The following ABCB10 variants were observed in gnomAD, a reference collection of about 807,000 sequenced individuals.
ABCB10 encodes the protein ATP-binding cassette sub-family B member 10, mitochondrial.
ABCB10 carries 54 observed loss-of-function variants against 65.4 expected under a neutral mutation model. The observed-to-expected ratio is 0.83, with a 90% confidence interval of 0.66 to 1.04. The LOEUF is 1.04. Among genes scored for constraint, ABCB10 ranks in the 50% least tolerant of loss-of-function variants. The pLI is 0.00. For missense variants in ABCB10, 846 were observed against 976.6 expected (o/e 0.87, Z 1.78); for synonymous variants, 418 against 406.5 (o/e 1.03, Z -0.34).
intron 3 of ABCB10, 23 bp downstream of exon 3, chr1:229,547,476 C>T: frequency 6.2e-7 from 1 of 1,611,686 alleles, no homozygotes; most frequent in Non-Finnish European, 8.5e-7. Context: ...AGGAAGGTAC[C>T]AAGGGGAACC....
chr1:229,524,495 A>G lies in ABCB10; in HGVS notation c.1906+1441T>C, dbSNP rs549569136. Among the ~76,000 whole-genome samples, 11 of 152,256 alleles carry G rather than the reference A, an allele frequency of 7.2e-5. No individual in the cohort carries two copies. The South Asian group carries it at 2.3e-3, about 32-fold the overall frequency. ...TGTTATCTTGCAAGGAAACATTTCA[A>G]TATTTGTATTGAAAAAAAAAAGTGT... On this transcript the variant is annotated intron_variant, in intron 10 of 12. Transcript: ENST00000344517.
Position 229,558,487 on chromosome 1 carries a change from GC to G in ABCB10, c.165del (p.Ala57ArgfsTer155). On this transcript the variant is annotated frameshift_variant, in exon 1 of 13. Transcript: ENST00000344517. LOFTEE classifies it high-confidence loss of function. ...GCTCCAACGCCCCAGAGCAGCGCGGGCCCCGCGCCCCATAGCCGCGCCGGCC... is the reference window on the plus strand; with the variant it reads ...GCTCCAACGCCCCAGAGCAGCGCGGGCCCGCGCCCCATAGCCGCGCCGGCC... ...GLRPARLWGA[G>X]PALLWGVGAA... 2.3e-6 allele frequency: 3 copies of G among 1,301,866 alleles called. No homozygotes were observed. Among genetic ancestry groups the G allele is most frequent in the Admixed American group, 3.9e-5 (1 of 25,974 alleles). The allele number at this position is 1,301,866 out of a possible 1,614,324, so 80.6% of individuals were successfully genotyped here. A position where few individuals can be genotyped will look rare whatever the true frequency, so the allele number is the denominator to read the frequency against.
At chr1:229,542,675 A>G (rs1175169257) in intron 3 of ABCB10, among the ~76,000 whole-genome samples, 1 of 151,232 alleles carries the variant, frequency 6.6e-6, no homozygotes, top group Non-Finnish European at 1.5e-5. Flanking sequence ...GTTTAACAAC[A>G]GAGTGGGAAG....
At chr1:229,525,091 G>C (rs1662407520) in intron 10 of ABCB10, among the ~76,000 whole-genome samples, 1 of 152,114 alleles carries the variant, frequency 6.6e-6, no homozygotes, top group South Asian at 2.1e-4. Context: ...CTGATCTCAA[G>C]TGATCCACCT....
chr1:229,535,152 A>G (rs1276582298), intron 6 of ABCB10: 1 of 151,866 alleles, frequency 6.6e-6, no homozygotes, highest in Non-Finnish European at 1.5e-5. Flanking sequence ...CGCCTCGGAT[A>G]AACCTCACTG....
Position 229,530,321 on chromosome 1 carries a change from G to C in ABCB10, c.1523C>G (p.Pro508Arg). Residue 508 changes from proline to arginine, a missense_variant, in exon 8 of 13, where the codon CCC becomes CGC. Pro to Arg is a moderately radical substitution (Grantham distance 103). Around this residue, in one of 2 missense-constraint regions of ABCB10, gnomAD observed 632 missense variants for 803.2 expected, o/e 0.79. Coordinates refer to ENST00000344517, the MANE Select transcript of ABCB10 (RefSeq NM_012089.3). ...HFAYPARPEV[P>R]IFQDFSLSIP... ...GGAAAGGCTGAAATCCTGAAATATG[G>C]GCACCTCTGGGCGAGCTGGATAGGC... The C allele has an allele frequency of 6.2e-7, 1 of 1,614,124 alleles. No individual in the cohort carries two copies. Among genetic ancestry groups the C allele is most frequent in the Non-Finnish European group, 8.5e-7 (1 of 1,180,028 alleles).
chr1:229,525,863 C>G, intron 10 of ABCB10, 73 bp downstream of exon 10: 1 of 1,507,248 alleles, frequency 6.6e-7, no homozygotes, highest in South Asian at 1.3e-5. Context: ...AACAAACAAA[C>G]AAAAAAAACA....
At chr1:229,540,519 T>C (rs1662818290) in intron 5 of ABCB10, 87 bp downstream of exon 5, 2 of 1,311,186 alleles carry the variant, frequency 1.5e-6, no homozygotes, top group African/African-American at 3.1e-5. Flanking sequence ...ATTAAAATTA[T>C]TTTCTACTTA....
In ABCB10 at chr1:229,558,418, C is replaced by T; in HGVS notation, c.235G>A (p.Ala79Thr). 8.3e-7 allele frequency: 1 copy of T among 1,200,516 alleles called. No homozygotes were observed. Among genetic ancestry groups the T allele is most frequent in the Non-Finnish European group, 1.0e-6 (1 of 970,734 alleles). 74.4% of individuals were successfully genotyped at this position (1,200,516 alleles called of 1,614,324 possible). A position where few individuals can be genotyped will look rare whatever the true frequency, so the allele number is the denominator to read the frequency against. The change falls in exon 1 of 13, where the codon GCC becomes ACC. Residue 79 changes from alanine (A) to threonine (T), a missense_variant. By Grantham distance (58) the Ala-to-Thr change is moderately conservative (BLOSUM62 0). Around this residue, in one of 2 missense-constraint regions of ABCB10, gnomAD observed 214 missense variants for 173.5 expected, o/e 1.23. Coordinates refer to ENST00000344517, the MANE Select transcript of ABCB10 (RefSeq NM_012089.3). ...RSGCRGGGPG[A>T]SRGVLGLARL... ...GCGAGGCCCAGGACGCCCCGCGAGG[C>T]GCCCGGACCCCCGCCCCGGCAGCCG...
At chr1:229,555,270 G>A (rs564156991) in intron 1 of ABCB10, among the ~76,000 whole-genome samples, 4 of 152,198 alleles carry the variant, frequency 2.6e-5, no homozygotes, top group East Asian at 3.8e-4. Context: ...ACAGCCAGAC[G>A]GTTCTGATGA....
intron 8 of ABCB10, 148 bp from the exon 9 acceptor site, chr1:229,527,456 A>G (rs553019344): frequency 3.0e-6 from 2 of 675,542 alleles, no homozygotes; most frequent in African/African-American, 3.6e-5. Context: ...AAACTAACAT[A>G]TTTCATGAAA....
rs1663001684 is a variant in ABCB10, at chr1:229,547,654, G to A, written c.766C>T (p.Leu256=). The change falls in exon 3 of 13, where the codon CTG becomes TTG. Residue 256 remains leucine (L), a synonymous_variant. Coordinates refer to ENST00000344517, the MANE Select transcript of ABCB10 (RefSeq NM_012089.3). ...RLRTSLFSSI[L]RQEVAFFDKT... ...TCAAAGAAAGCAACCTCCTGCCTCA[G>A]AATGGAGGAGAATAATGAAGTTCTC... 1 of 1,614,108 alleles carries A rather than the reference G, an allele frequency of 6.2e-7. No individual in the cohort carries two copies. The highest frequency in any genetic ancestry group is 1.3e-5 in the African/African-American group (1 of 74,940).
In ABCB10 at chr1:229,540,059, ATC is replaced by A. The variant is rs150932001; in HGVS notation, c.1204-470_1204-469del. Among the ~76,000 whole-genome samples the A allele has an allele frequency of 6.0e-3, 918 of 152,316 alleles. 8 individuals are homozygous for A. Among genetic ancestry groups the A allele is most frequent in the African/African-American group, 0.021 (878 of 41,554 alleles). On this transcript the variant is annotated intron_variant, in intron 5 of 12. Coordinates refer to ENST00000344517, the MANE Select transcript of ABCB10 (RefSeq NM_012089.3). Reference sequence around the variant, plus strand: ...GGCCTTCTCCGGGCCACTGCTCCTTATCTGTTAATCATAGCAATGACGGAATT... The same window carrying A: ...GGCCTTCTCCGGGCCACTGCTCCTTATGTTAATCATAGCAATGACGGAATT...
chr1:229,551,188 T>TG (rs948323518), intron 1 of ABCB10, among the ~76,000 whole-genome samples: 4 of 152,196 alleles, frequency 2.6e-5, no homozygotes, highest in African/African-American at 9.7e-5. Flanking sequence ...CCTTTTTAAG[T>TG]GGGGAACATT....
At chr1:229,558,090 GAGA>G (rs773109228) in intron 1 of ABCB10, 43 bp downstream of exon 1, 51 of 1,309,216 alleles carry the variant, frequency 3.9e-5, no homozygotes, top group Non-Finnish European at 4.7e-5. Context: ...CCCGCGTGTG[GAGA>G]AGGAGAGGCC....
At chr1:229,547,878 G>A (rs1222260116) in intron 2 of ABCB10, among the ~76,000 whole-genome samples, 177 bp from the exon 3 acceptor site, 1 of 152,094 alleles carries the variant, frequency 6.6e-6, no homozygotes, top group Non-Finnish European at 1.5e-5. Context: ...CCCAAACCAG[G>A]CACATTAACT....
At chr1:229,528,074 A>T (rs986060074) in intron 8 of ABCB10, among the ~76,000 whole-genome samples, 1 of 152,184 alleles carries the variant, frequency 6.6e-6, no homozygotes, top group Non-Finnish European at 1.5e-5. Context: ...GATGATGACA[A>T]CAGTGACAGC....
At chr1:229,544,159 A>T (rs1662913918) in intron 3 of ABCB10, among the ~76,000 whole-genome samples, 1 of 152,198 alleles carries the variant, frequency 6.6e-6, no homozygotes, top group African/African-American at 2.4e-5. Flanking sequence ...CACGTCTGTA[A>T]TCCTAGCATT....
rs776339083 is a variant in ABCB10, at chr1:229,518,390, T to G, written c.2006A>C (p.Glu669Ala). ...ATCTAGAGCTTCTTGAACAAGGTAC[T>G]CATTTTCGGCATCCAGCGCACTGAC... ...EATSALDAEN[E>A]YLVQEALDRL... Residue 669 changes from glutamate (E) to alanine (A), a missense_variant, in exon 13 of 13, where the codon GAG (glutamate) becomes GCG (alanine). Around this residue, in one of 2 missense-constraint regions of ABCB10, gnomAD observed 632 missense variants for 803.2 expected, o/e 0.79. Coordinates refer to ENST00000344517, the MANE Select transcript of ABCB10 (RefSeq NM_012089.3). The G allele has an allele frequency of 6.2e-7, 1 of 1,614,222 alleles. No homozygotes were observed. Among genetic ancestry groups the G allele is most frequent in the South Asian group, 1.1e-5 (1 of 91,078 alleles).
Sources: allele counts gnomAD v4.1 joint callset (sites outside exome capture counted in the v4.1 genomes callset), GRCh38; gene constraint gnomAD v4.1.1; regional missense constraint gnomAD v4.1.1; transcripts MANE v1.5; gene names NCBI Gene and HGNC (gene_info 2026-07-23, HGNC 2026-07-21).